Variants in GRIN2A observed in about 807,000 individuals in gnomAD.
GRIN2A encodes glutamate receptor ionotropic, NMDA 2A.
GRIN2A carries 22 observed loss-of-function variants against 113.4 expected under a neutral mutation model. The ratio of observed to expected loss-of-function variants is 0.19; its 90% CI spans 0.14 to 0.28. GRIN2A has a LOEUF of 0.28. GRIN2A is among the 10% of genes least tolerant of loss of function. The probability of loss-of-function intolerance (pLI) is 1.00; values close to 1 mark genes in which losing one functional copy is unlikely to be tolerated. For synonymous variants in GRIN2A, 827 were observed against 738.4 expected, an observed-to-expected ratio of 1.12 and a Z score of -1.94; for missense variants, 1,502 against 1,887.0, an observed-to-expected ratio of 0.80 and a Z score of 3.78.
At chr16:10,123,187 T>C (rs1490143715) in intron 2 of GRIN2A, among the ~76,000 whole-genome samples, 1 of 152,154 alleles carries the variant, frequency 6.6e-6, no homozygotes, top group Non-Finnish European at 1.5e-5. Flanking sequence ...TCCAGGCAGA[T>C]CTAATGAAGG....
At chr16:9,911,336 A>T (rs1596574720) in intron 3 of GRIN2A, among the ~76,000 whole-genome samples, 1 of 152,202 alleles carries the variant, frequency 6.6e-6, no homozygotes, top group East Asian at 1.9e-4. Context: ...ATAAACAAAC[A>T]AAATGGTCAT....
chr16:10,017,680 T>C (rs950583881), intron 2 of GRIN2A, among the ~76,000 whole-genome samples: 4 of 152,164 alleles, frequency 2.6e-5, no homozygotes, highest in Admixed American at 1.3e-4. Context: ...ACATTGGTCA[T>C]CATAACCAGG....
intron 8 of GRIN2A, among the ~76,000 whole-genome samples, chr16:9,830,060 G>A (rs948295643): frequency 1.1e-4 from 16 of 152,314 alleles, no homozygotes; most frequent in African/African-American, 3.1e-4. Context: ...ATGTGCTATC[G>A]TATAAGAACC....
chr16:10,169,152 C>G (rs1406679186), intron 2 of GRIN2A, among the ~76,000 whole-genome samples: 1 of 152,078 alleles, frequency 6.6e-6, no homozygotes, highest in East Asian at 1.9e-4. Flanking sequence ...GCTAAACATC[C>G]CTAAATACTT....
chr16:9,775,843 T>C (rs1344394862), intron 11 of GRIN2A, among the ~76,000 whole-genome samples: 2 of 152,188 alleles, frequency 1.3e-5, no homozygotes, highest in Non-Finnish European at 2.9e-5. Context: ...TCTCCTCACA[T>C]ACAATAGGAG....
chr16:10,055,046 TCAAAAAAAAAAAAAAAAA>T (rs2047423257), intron 2 of GRIN2A, among the ~76,000 whole-genome samples: 2 of 12,492 alleles, frequency 1.6e-4, no homozygotes, highest in Non-Finnish European at 2.7e-4. Context: ...AGACTCTATC[TCAAAAAAAAAAAAAAAAA>T]AAAAAAAAAA....
At chr16:9,853,128 G>T (rs1473390084) in intron 4 of GRIN2A, among the ~76,000 whole-genome samples, 1 of 152,200 alleles carries the variant, frequency 6.6e-6, no homozygotes, top group Non-Finnish European at 1.5e-5. Context: ...AGGATGAGTT[G>T]CATCGTGGCA....
chr16:10,095,365 A>G (rs1007362885), intron 2 of GRIN2A, among the ~76,000 whole-genome samples: 1 of 152,218 alleles, frequency 6.6e-6, no homozygotes, highest in Non-Finnish European at 1.5e-5. Flanking sequence ...GACCGATAAA[A>G]TCTGAGACAA....
intron 2 of GRIN2A, among the ~76,000 whole-genome samples, chr16:10,052,052 C>T (rs1283319421): frequency 6.6e-6 from 1 of 152,142 alleles, no homozygotes; most frequent in Non-Finnish European, 1.5e-5. Context: ...ATTATAATGG[C>T]CTGGAAGGAA....
At chr16:9,973,796 A>G (rs72772157) in intron 2 of GRIN2A, among the ~76,000 whole-genome samples, 12,923 of 152,228 alleles carry the variant, frequency 0.085, 650 homozygotes, top group Non-Finnish European at 0.1. Context: ...GGGAAAAAAA[A>G]CAAATTCTAT....
intron 2 of GRIN2A, among the ~76,000 whole-genome samples, chr16:10,029,933 G>A (rs1479115141): frequency 1.3e-5 from 2 of 152,092 alleles, no homozygotes; most frequent in African/African-American, 4.8e-5. Flanking sequence ...GGAGGCAGAG[G>A]TTGCAGTGAG....
In GRIN2A at chr16:9,763,001, G is replaced by T; in HGVS notation, c.*148C>A. 1.3e-6 allele frequency: 1 copy of T among 757,570 alleles called. No homozygotes were observed. The highest frequency in any genetic ancestry group is 2.2e-6 in the Non-Finnish European group (1 of 459,374). 46.9% of individuals were successfully genotyped at this position (757,570 alleles called of 1,614,324 possible). ...GTGGAAGATTATGGCATGAAGCCGTGTGCAAAAGAGCCAACAACAACAACA... is the reference window on the plus strand; with the variant it reads ...GTGGAAGATTATGGCATGAAGCCGTTTGCAAAAGAGCCAACAACAACAACA... On this transcript the variant is annotated 3_prime_UTR_variant, in exon 13 of 13. Coordinates refer to ENST00000330684, the MANE Select transcript of GRIN2A (RefSeq NM_001134407.3).
intron 5 of GRIN2A, among the ~76,000 whole-genome samples, chr16:9,845,174 C>T (rs1270866893): frequency 2.0e-5 from 3 of 152,094 alleles, no homozygotes; most frequent in Non-Finnish European, 4.4e-5. Flanking sequence ...AGAAGGAAAG[C>T]TGCAAGCTAC....
intron 2 of GRIN2A, among the ~76,000 whole-genome samples, chr16:10,176,172 AT>A (rs546312137): frequency 3.4e-4 from 52 of 151,880 alleles, no homozygotes; most frequent in African/African-American, 8.9e-4. Context: ...CATCCAGCTG[AT>A]TTTTGTATTT....
chr16:10,095,085 T>C (rs1285824209), intron 2 of GRIN2A, among the ~76,000 whole-genome samples: 1 of 151,802 alleles, frequency 6.6e-6, no homozygotes, highest in East Asian at 1.9e-4. Context: ...AGAAGAGAGA[T>C]TTCTCTCTCT....
At chr16:9,950,009 G>C (rs1403801535) in intron 2 of GRIN2A, among the ~76,000 whole-genome samples, 1 of 152,142 alleles carries the variant, frequency 6.6e-6, no homozygotes, top group African/African-American at 2.4e-5. Flanking sequence ...CTCACAATCT[G>C]AAGGCAGGAA....
At chr16:9,994,423 A>G (rs1005099728) in intron 2 of GRIN2A, among the ~76,000 whole-genome samples, 1 of 152,054 alleles carries the variant, frequency 6.6e-6, no homozygotes, top group Admixed American at 6.6e-5. Context: ...GGGAGGTGAA[A>G]TGAGAGAGTC....
At chr16:9,833,350 T>C (rs1462570711) in intron 8 of GRIN2A, among the ~76,000 whole-genome samples, 4 of 152,208 alleles carry the variant, frequency 2.6e-5, no homozygotes, top group Non-Finnish European at 5.9e-5. Flanking sequence ...TGGGGAAATA[T>C]ATCACTTCAT....
chr16:9,854,992 T>TTGTGTGTGTGTGTGTG (rs3831730), intron 4 of GRIN2A, among the ~76,000 whole-genome samples: 2 of 147,558 alleles, frequency 1.4e-5, no homozygotes, highest in African/African-American at 5.0e-5. Context: ...GCAAGCACGC[T>TTGTGTGTGTGTGTGTG]TGTGTGTGTG....
Sources: allele counts gnomAD v4.1 joint callset (sites outside exome capture counted in the v4.1 genomes callset), GRCh38; gene constraint gnomAD v4.1.1; transcripts MANE v1.5; gene names NCBI Gene and HGNC (gene_info 2026-07-23, HGNC 2026-07-21).